The following WDR19 variants were observed in gnomAD, a reference collection of about 807,000 sequenced individuals.
WDR19 encodes WD repeat domain 19.
Under a neutral mutation model 180.0 loss-of-function variants are expected in WDR19, and 121 were observed. The observed-to-expected ratio is 0.67, with a 90% CI of 0.58 to 0.78. The LOEUF (loss-of-function observed/expected upper bound fraction) is 0.78. Ranked by LOEUF, WDR19 falls within the 30% of genes least tolerant of loss-of-function variation. The probability of loss-of-function intolerance (pLI) is 0.00; values close to 1 mark genes in which losing one functional copy is unlikely to be tolerated. For synonymous variants in WDR19, 497 were observed against 540.7 expected (o/e 0.92, Z 1.12); for missense variants, 1,450 against 1,640.7 (o/e 0.88, Z 2.01).
chr4:39,201,206 G>A (rs1313034950), intron 6 of WDR19, among the ~76,000 whole-genome samples: 1 of 151,974 alleles, frequency 6.6e-6, no homozygotes, highest in African/African-American at 2.4e-5. Context: ...CTAGAGTATT[G>A]TACCCTCATC....
rs376527958 is a variant in WDR19 at position 39,215,910 on chromosome 4, A to T, written c.1031A>T (p.His344Leu). ...LALSTQRGSL[H>L]VFLTKLPILG... ...CTCTCTACCCAAAGGGGCTCACTTCATGTTTTCCTGACCAAGCTTCCCATA... is the reference window on the plus strand; with the variant it reads ...CTCTCTACCCAAAGGGGCTCACTTCTTGTTTTCCTGACCAAGCTTCCCATA... Residue 344 changes from histidine (H) to leucine (L), a missense_variant, in exon 11 of 37, where the codon CAT becomes CTT. His to Leu is a moderately conservative substitution (Grantham distance 99). Transcript: ENST00000399820. 2 of 1,613,802 alleles carry T rather than the reference A, an allele frequency of 1.2e-6. No individual in the cohort carries two copies. Among genetic ancestry groups the T allele is most frequent in the Non-Finnish European group, 1.7e-6 (2 of 1,179,816 alleles).
At chr4:39,221,781 TTTTG>T (rs1286889935) in intron 14 of WDR19, among the ~76,000 whole-genome samples, 3 of 152,336 alleles carry the variant, frequency 2.0e-5, no homozygotes, top group East Asian at 3.9e-4. Context: ...ATGCACTACT[TTTTG>T]TTTGTCTTTT....
chr4:39,268,142 GC>G, intron 30 of WDR19, 51 bp downstream of exon 30: 1 of 1,473,020 alleles, frequency 6.8e-7, no homozygotes, highest in East Asian at 2.5e-5. Flanking sequence ...GCAGAATCAA[GC>G]CCCAGCCCCT....
chr4:39,266,181 G>C, intron 29 of WDR19, 41 bp downstream of exon 29: 1 of 1,483,520 alleles, frequency 6.7e-7, no homozygotes, highest in East Asian at 2.5e-5. Context: ...TCAGGTCTCA[G>C]TTACAGTTTG....
intron 5 of WDR19, among the ~76,000 whole-genome samples, chr4:39,194,967 A>G (rs957523927): frequency 6.6e-6 from 1 of 152,242 alleles, no homozygotes; most frequent in Non-Finnish European, 1.5e-5. Flanking sequence ...GGAATAGCTC[A>G]TACACATATG....
Position 39,196,687 on chromosome 4 carries a change from A to G in WDR19, c.406+2028A>G, listed in dbSNP as rs573860074. Among the ~76,000 whole-genome samples, 9 of 152,368 alleles carry G rather than the reference A, an allele frequency of 5.9e-5. No homozygotes were observed. In the South Asian group the frequency reaches 1.9e-3, roughly 32 times the overall value. ...GAATCTTCTCAACCCAGAGGCCAGA[A>G]TGAGCCCTCTGCTCAGAACTCTTCA... is the stretch of plus-strand genomic sequence containing the variant. On this transcript the variant is annotated intron_variant, in intron 5 of 36. Transcript: ENST00000399820.
intron 29 of WDR19, among the ~76,000 whole-genome samples, 175 bp from the exon 30 acceptor site, chr4:39,267,820 A>G (rs1475895739): frequency 1.3e-5 from 2 of 152,196 alleles, no homozygotes; most frequent in African/African-American, 2.4e-5. Context: ...ACCTGGCCAT[A>G]TTGAGCTCTG....
rs766837080 is a variant in WDR19, at chr4:39,216,234, T to G, written c.1249+24T>G. On this transcript the variant is annotated intron_variant, in intron 12 of 36. Coordinates refer to ENST00000399820, the MANE Select transcript of WDR19 (RefSeq NM_025132.4). ...TGGCAAGTCTAAATCCAGTTGTTTA[T>G]TCTTATCTAGCACATAATTTCTGTT... is the stretch of plus-strand genomic sequence containing the variant. The G allele has an allele frequency of 3.3e-6, 5 of 1,511,746 alleles. No individual in the cohort carries two copies. In the Admixed American group the frequency reaches 9.3e-5, roughly 28 times the overall value. 93.6% of individuals were successfully genotyped at this position (1,511,746 alleles called of 1,614,324 possible).
At chr4:39,240,946 A>T (rs1273713847) in intron 21 of WDR19, among the ~76,000 whole-genome samples, 2 of 133,258 alleles carry the variant, frequency 1.5e-5, no homozygotes, top group African/African-American at 5.2e-5. Flanking sequence ...ACAGAGCGAG[A>T]CTCCATCTCA....
intron 14 of WDR19, among the ~76,000 whole-genome samples, chr4:39,219,589 C>T (rs1295952515): frequency 2.6e-5 from 4 of 152,114 alleles, no homozygotes; most frequent in African/African-American, 9.7e-5. Context: ...GTGCTTAACC[C>T]CTCCAAGCCT....
chr4:39,253,086 A>G (rs1341578989), intron 24 of WDR19, 60 bp from the exon 25 acceptor site: 23 of 1,493,714 alleles, frequency 1.5e-5, no homozygotes, highest in Non-Finnish European at 2.1e-5. Context: ...AACATTTATC[A>G]ACATTTTCTC....
chr4:39,259,287 C>T (rs1486918068), intron 28 of WDR19, among the ~76,000 whole-genome samples: 1 of 152,186 alleles, frequency 6.6e-6, no homozygotes, highest in East Asian at 1.9e-4. Flanking sequence ...ACTATCCTTT[C>T]CACCACAGAA....
chr4:39,285,087 C>CAA (rs1321453961), intron 36 of WDR19, among the ~76,000 whole-genome samples: 3 of 151,526 alleles, frequency 2.0e-5, no homozygotes, highest in Non-Finnish European at 4.4e-5. Context: ...AAGACACACA[C>CAA]AAAGTCACTG....
chr4:39,280,556 G>A (rs2109533575), intron 36 of WDR19, among the ~76,000 whole-genome samples: 1 of 152,058 alleles, frequency 6.6e-6, no homozygotes, highest in South Asian at 2.1e-4. Flanking sequence ...TTGGGAGGCT[G>A]AGGCAGGAGG....
chr4:39,182,552 G>C lies in WDR19; in HGVS notation c.-6G>C. 1 of 1,613,780 alleles carries C rather than the reference G, an allele frequency of 6.2e-7. No individual in the cohort carries two copies. The highest frequency in any genetic ancestry group is 8.5e-7 in the Non-Finnish European group (1 of 1,179,862). On this transcript the variant is annotated 5_prime_UTR_variant, in exon 1 of 37. Transcript: ENST00000399820. Reference sequence around the variant, plus strand: ...TCATAGTTCGCGTAGCGGCTCGAGCGTGGAGATGAAGGTAAATAACTTACA... The same window carrying C: ...TCATAGTTCGCGTAGCGGCTCGAGCCTGGAGATGAAGGTAAATAACTTACA...
At chr4:39,278,460 T>G (rs1736131213) in intron 35 of WDR19, 79 bp from the exon 36 acceptor site, 1 of 1,149,438 alleles carries the variant, frequency 8.7e-7, no homozygotes, top group Non-Finnish European at 1.2e-6. Flanking sequence ...AGAAAGTTGT[T>G]GTCTTTCTCA....
At chr4:39,212,513 C>T (rs1287853060) in intron 9 of WDR19, among the ~76,000 whole-genome samples, 5 of 152,110 alleles carry the variant, frequency 3.3e-5, no homozygotes, top group Admixed American at 6.5e-5. Flanking sequence ...AAAAGATGGC[C>T]GGACGCGGTG....
rs755397353 is a variant in WDR19 at position 39,244,405 on chromosome 4, A to C, written c.2562+17A>C. On this transcript the variant is annotated intron_variant, in intron 22 of 36. Transcript: ENST00000399820. ...AATATGAAGGTCCTCTTTTCTCTGCATCAATATACATGTGGTCTTTTATAC... is the reference window on the plus strand; with the variant it reads ...AATATGAAGGTCCTCTTTTCTCTGCCTCAATATACATGTGGTCTTTTATAC... 1.9e-6 allele frequency: 3 copies of C among 1,613,960 alleles called. No homozygotes were observed. Among genetic ancestry groups the C allele is most frequent in the South Asian group, 1.1e-5 (1 of 91,076 alleles).
At chr4:39,184,681 G>T (rs776650332) in intron 1 of WDR19, among the ~76,000 whole-genome samples, 1 of 151,898 alleles carries the variant, frequency 6.6e-6, no homozygotes, top group Non-Finnish European at 1.5e-5. Flanking sequence ...TTGGCCAGGC[G>T]GTGTTTAATT....
Sources: gnomAD v4.1 joint callset for allele counts (sites outside exome capture counted in the v4.1 genomes callset) on GRCh38, gnomAD v4.1.1 for gene constraint, MANE v1.5 for transcripts, NCBI Gene and HGNC (gene_info 2026-07-23, HGNC 2026-07-21) for gene names.